The following ETV6 variants were observed in gnomAD, a reference collection of about 807,000 sequenced individuals.
The protein encoded by ETV6 is ETS variant transcription factor 6, also known as transcription factor ETV6.
In ETV6, 16 loss-of-function variants were observed where a neutral mutation model predicts 51.1. The observed-to-expected ratio is 0.31, with a 90% confidence interval of 0.21 to 0.48. The LOEUF (loss-of-function observed/expected upper bound fraction) is 0.48, where lower values mean the gene tolerates loss of function less well. ETV6 is among the 20% of genes least tolerant of loss of function. The pLI, the probability that ETV6 is intolerant of heterozygous loss-of-function variation, is 0.99. For synonymous variants in ETV6, 240 were observed against 224.1 expected (o/e 1.07, Z -0.64); for missense variants, 458 against 594.8 (o/e 0.77, Z 2.39).
In ETV6 at chr12:11,891,069, C is replaced by T. The variant is rs72550782; in HGVS notation, c.*23C>T. The T allele has an allele frequency of 0.016, 26,019 of 1,581,938 alleles. 250 individuals carry two copies. Among genetic ancestry groups the T allele is most frequent in the Non-Finnish European group, 0.018 (21,120 of 1,152,068 alleles). On this transcript the variant is annotated 3_prime_UTR_variant, in exon 8 of 8. Transcript: ENST00000396373. ...TGAAGGAACCAACAGTCCACCTCAG[C>T]GGGCCAGCAGCCCAGGGAACCCCTG... is the stretch of plus-strand genomic sequence containing the variant.
chr12:11,806,774 G>C (rs1386582840), intron 2 of ETV6, among the ~76,000 whole-genome samples: 1 of 152,206 alleles, frequency 6.6e-6, no homozygotes, highest in African/African-American at 2.4e-5. Context: ...TAAATAGCAA[G>C]TTTCAGGCCC....
intron 1 of ETV6, among the ~76,000 whole-genome samples, chr12:11,729,196 A>G (rs1278249627): frequency 6.6e-6 from 1 of 152,244 alleles, no homozygotes; most frequent in African/African-American, 2.4e-5. Flanking sequence ...GATCTGCTGA[A>G]GGAAGGAACC....
At chr12:11,797,680 G>T (rs893503658) in intron 2 of ETV6, among the ~76,000 whole-genome samples, 1 of 152,204 alleles carries the variant, frequency 6.6e-6, no homozygotes, top group Non-Finnish European at 1.5e-5. Flanking sequence ...TGGTCCCGGA[G>T]TCTGGGTGGA....
At chr12:11,761,695 G>A (rs563743357) in intron 2 of ETV6, among the ~76,000 whole-genome samples, 112 of 152,224 alleles carry the variant, frequency 7.4e-4, no homozygotes, top group Non-Finnish European at 1.3e-3. Flanking sequence ...TCTTGTAGGG[G>A]TCAGTTCCTT....
chr12:11,789,734 T>C (rs1298985295), intron 2 of ETV6, among the ~76,000 whole-genome samples: 2 of 152,222 alleles, frequency 1.3e-5, no homozygotes, highest in African/African-American at 4.8e-5. Flanking sequence ...CCCCCAGAAT[T>C]TTGAAGGTAG....
chr12:11,833,396 A>G (rs1946270611), intron 2 of ETV6, among the ~76,000 whole-genome samples: 3 of 152,240 alleles, frequency 2.0e-5, no homozygotes. Context: ...TAACTTGTAC[A>G]AGGTCACACA....
chr12:11,794,789 TTA>T, intron 2 of ETV6, among the ~76,000 whole-genome samples: 2 of 152,346 alleles, frequency 1.3e-5, no homozygotes, highest in South Asian at 2.1e-4. Flanking sequence ...AAGTCTCTAG[TTA>T]TCATTCCATG....
intron 1 of ETV6, among the ~76,000 whole-genome samples, chr12:11,702,410 A>G (rs1865000487): frequency 3.3e-5 from 5 of 152,320 alleles, no homozygotes; most frequent in Admixed American, 3.3e-4. Context: ...AGATAGCTGG[A>G]CAGGTTCCTA....
intron 2 of ETV6, among the ~76,000 whole-genome samples, chr12:11,756,789 G>C (rs1264887913): frequency 1.3e-5 from 2 of 152,218 alleles, no homozygotes; most frequent in African/African-American, 2.4e-5. Context: ...ATTGGCAGAG[G>C]CTTACCTTAT....
intron 2 of ETV6, among the ~76,000 whole-genome samples, chr12:11,810,106 A>G (rs1406579864): frequency 6.6e-6 from 1 of 152,130 alleles, no homozygotes; most frequent in Non-Finnish European, 1.5e-5. Context: ...GGCGTGAGCC[A>G]CCGCACCTGG....
At chr12:11,798,606 CACATATATAAAGAA>C (rs750515570) in intron 2 of ETV6, among the ~76,000 whole-genome samples, 36 of 152,198 alleles carry the variant, frequency 2.4e-4, no homozygotes, top group Non-Finnish European at 5.0e-4. Flanking sequence ...TACGTTAGGG[CACATATATAAAGAA>C]ACAGCAGAAA....
At chr12:11,717,738 AT>A (rs1484889019) in intron 1 of ETV6, among the ~76,000 whole-genome samples, 1 of 152,184 alleles carries the variant, frequency 6.6e-6, no homozygotes, top group Non-Finnish European at 1.5e-5. Flanking sequence ...ACCGTGGGAC[AT>A]TTTTCCTATA....
At chr12:11,804,446 T>C (rs1297148890) in intron 2 of ETV6, among the ~76,000 whole-genome samples, 1 of 152,222 alleles carries the variant, frequency 6.6e-6, no homozygotes, top group Non-Finnish European at 1.5e-5. Flanking sequence ...TGTGTTCTGC[T>C]AGTTCCTCTT....
At chr12:11,876,593 C>T (rs1326201710) in intron 5 of ETV6, among the ~76,000 whole-genome samples, 1 of 152,190 alleles carries the variant, frequency 6.6e-6, no homozygotes, top group Non-Finnish European at 1.5e-5. Flanking sequence ...GAAGAAGATT[C>T]GTTGGTACAC....
At chr12:11,812,909 C>T (rs1945935356) in intron 2 of ETV6, among the ~76,000 whole-genome samples, 1 of 152,210 alleles carries the variant, frequency 6.6e-6, no homozygotes, top group Admixed American at 6.5e-5. Flanking sequence ...ATCCTCATAG[C>T]TTAGTGATTT....
chr12:11,859,287 A>T (rs577600655), intron 4 of ETV6, among the ~76,000 whole-genome samples: 2 of 151,512 alleles, frequency 1.3e-5, no homozygotes, highest in African/African-American at 2.4e-5. Flanking sequence ...GACTACAGGC[A>T]TCCGCCACCA....
intron 2 of ETV6, among the ~76,000 whole-genome samples, chr12:11,778,486 A>G (rs4763726): frequency 0.14 from 21,810 of 152,190 alleles, 2,169 homozygotes; most frequent in East Asian, 0.4. Flanking sequence ...GGGGCTGGGT[A>G]TAGTGCCTGA....
chr12:11,891,469 A>ATG lies in ETV6; in HGVS notation c.*424_*425insGT, dbSNP rs148938293. On this transcript the variant is annotated 3_prime_UTR_variant, in exon 8 of 8. Coordinates refer to ENST00000396373, the MANE Select transcript of ETV6 (RefSeq NM_001987.5). ...GGAAATATATATCTATTATATATAT[A>ATG]TTTTTTGCAAATCTCACAAAGTGCG... 6.1e-6 allele frequency: 3 copies of ATG among 488,416 alleles called. No homozygotes were observed. The highest frequency in any genetic ancestry group is 7.7e-6 in the Non-Finnish European group (2 of 260,324). 30.3% of individuals were successfully genotyped at this position (488,416 alleles called of 1,614,324 possible).
intron 1 of ETV6, among the ~76,000 whole-genome samples, chr12:11,669,486 C>T (rs73286689): frequency 0.022 from 3,247 of 148,776 alleles, 64 homozygotes; most frequent in East Asian, 0.13. Context: ...TTTGAGGCCT[C>T]GGCTGTGCTG....
Sources: gnomAD v4.1 joint callset for allele counts (sites outside exome capture counted in the v4.1 genomes callset) on GRCh38, gnomAD v4.1.1 for gene constraint, MANE v1.5 for transcripts, NCBI Gene and HGNC (gene_info 2026-07-23, HGNC 2026-07-21) for gene names.